The following LRP5 variants were observed in gnomAD, a reference collection of about 807,000 sequenced individuals.
The protein encoded by LRP5 is low-density lipoprotein receptor-related protein 5.
A neutral mutation model predicts 154.1 loss-of-function variants in LRP5; 62 were observed. The ratio of observed to expected loss-of-function variants is 0.40; its 90% CI spans 0.33 to 0.50. LRP5 has a LOEUF of 0.50. LRP5 is among the 20% of genes least tolerant of loss of function. The pLI is 0.55. For missense variants in LRP5, 1,915 were observed against 2,336.7 expected, an observed-to-expected ratio of 0.82 and a Z score of 3.72; for synonymous variants, 966 against 1,011.5, an observed-to-expected ratio of 0.96 and a Z score of 0.85.
In LRP5 at chr11:68,364,652, CT is replaced by C. The variant is rs540365082; in HGVS notation, c.883+710del. ...AGCTTCTGTGACAGTGGGGCTGCGG[CT>C]CTGGGGACAGTGGCCCACTCCCACA... On this transcript the variant is annotated intron_variant, in intron 4 of 22. Transcript: ENST00000294304. 5.1e-3 allele frequency among the ~76,000 whole-genome samples: 780 copies of C among 152,302 alleles called. 9 individuals are homozygous for C. The highest frequency in any genetic ancestry group is 0.018 in the African/African-American group (739 of 41,566).
chr11:68,335,073 G>GA (rs2098604915), intron 1 of LRP5, among the ~76,000 whole-genome samples: 1 of 136,196 alleles, frequency 7.3e-6, no homozygotes, highest in African/African-American at 2.6e-5. Context: ...ACCTGACCTG[G>GA]CTTTTTTTTT....
intron 5 of LRP5, among the ~76,000 whole-genome samples, chr11:68,380,351 G>A (rs1032666188): frequency 6.6e-6 from 1 of 152,236 alleles, no homozygotes; most frequent in African/African-American, 2.4e-5. Flanking sequence ...TCCCAGCTGT[G>A]TTGACTGAGG....
In LRP5 at chr11:68,320,838, G is replaced by T. The variant is rs2098596340; in HGVS notation, c.91+8033G>T. The stretch of plus-strand genomic sequence containing the variant: ...TAATTCTTTGTTCTGTTTGTTTCAG[G>T]TTTCACTGCTGGTCTGTAGCTAGTC... On this transcript the variant is annotated intron_variant, in intron 1 of 22. Coordinates refer to ENST00000294304, the MANE Select transcript of LRP5 (RefSeq NM_002335.4). Among the ~76,000 whole-genome samples, 3 of 152,142 alleles carry T rather than the reference G, an allele frequency of 2.0e-5. No homozygotes were observed. The South Asian group carries it at 6.2e-4, about 32-fold the overall frequency.
intron 3 of LRP5, among the ~76,000 whole-genome samples, chr11:68,359,524 A>G (rs1213095259): frequency 6.6e-6 from 1 of 152,120 alleles, no homozygotes; most frequent in Non-Finnish European, 1.5e-5. Flanking sequence ...GTGACAGGGG[A>G]CAGTGAGGGT....
intron 5 of LRP5, among the ~76,000 whole-genome samples, chr11:68,382,259 G>T (rs2098640637): frequency 6.6e-6 from 1 of 152,228 alleles, no homozygotes; most frequent in Admixed American, 6.5e-5. Context: ...CTCATGGTGG[G>T]ACTAGAGGCC....
At chr11:68,335,425 A>G (rs746461704) in intron 1 of LRP5, among the ~76,000 whole-genome samples, 3 of 150,984 alleles carry the variant, frequency 2.0e-5, no homozygotes, top group Non-Finnish European at 3.0e-5. Context: ...GGCTGAGTGC[A>G]GTAGCTCACG....
In LRP5 at chr11:68,423,832, A is replaced by C; in HGVS notation, c.3236+135A>C. ...CCAATGGGTGGCTTTCCAGGGTCCC[A>C]AAAGCAAACACAGGCTCTTTCACAG... On this transcript the variant is annotated intron_variant, in intron 14 of 22. Transcript: ENST00000294304. This position sits in a 1 kb window ranked among gnomAD's most constrained non-coding sequence, Gnocchi z 4.7. 1.3e-6 allele frequency: 1 copy of C among 789,506 alleles called. No homozygotes were observed. The highest frequency in any genetic ancestry group is 2.0e-6 in the Non-Finnish European group (1 of 497,422). The allele number at this position is 789,506 out of a possible 1,614,324, so 48.9% of individuals were successfully genotyped here.
chr11:68,406,191 T>TA (rs1427791846), intron 8 of LRP5, among the ~76,000 whole-genome samples: 2 of 152,232 alleles, frequency 1.3e-5, no homozygotes, highest in African/African-American at 4.8e-5. Context: ...CTGTTACTGA[T>TA]ACCCTTGGCT....
At chr11:68,387,169 C>CA in intron 6 of LRP5, among the ~76,000 whole-genome samples, 1 of 150,470 alleles carries the variant, frequency 6.6e-6, no homozygotes, top group African/African-American at 2.5e-5. Context: ...GGCTGGAGTG[C>CA]AGTGGTGTGA....
At chr11:68,326,825 T>C (rs499511) in intron 1 of LRP5, among the ~76,000 whole-genome samples, 147,966 of 152,356 alleles carry the variant, frequency 0.97, 72,005 homozygotes, top group East Asian at 1. Context: ...CCTTGCGGCA[T>C]ATGGGAAGCC....
intron 7 of LRP5, among the ~76,000 whole-genome samples, chr11:68,396,870 G>A (rs577442927): frequency 8.5e-5 from 13 of 152,272 alleles, no homozygotes; most frequent in African/African-American, 2.4e-4. Flanking sequence ...GCTTGGAGCC[G>A]CATCCGAGTC....
At chr11:68,378,302 G>C (rs1184682090) in intron 5 of LRP5, among the ~76,000 whole-genome samples, 1 of 152,194 alleles carries the variant, frequency 6.6e-6, no homozygotes, top group Non-Finnish European at 1.5e-5. Flanking sequence ...TCAGGCCGCT[G>C]GGCGACGGTG....
chr11:68,309,660 T>A (rs2098586577), upstream of LRP5, among the ~76,000 whole-genome samples: 2 of 152,052 alleles, frequency 1.3e-5, no homozygotes. Context: ...GAGTCTTTAG[T>A]TTTTCTGTAT....
intron 7 of LRP5, among the ~76,000 whole-genome samples, chr11:68,391,562 C>T (rs113647990): frequency 6.6e-6 from 1 of 152,134 alleles, no homozygotes; most frequent in Non-Finnish European, 1.5e-5. Flanking sequence ...GGATTTCAGA[C>T]CCTGCTTCTG....
chr11:68,307,026 T>C, the LRP5 span, among the ~76,000 whole-genome samples: 1 of 152,204 alleles, frequency 6.6e-6, no homozygotes, highest in Non-Finnish European at 1.5e-5. Context: ...CTACTAAAAA[T>C]ACAAAATTAG....
At chr11:68,374,026 G>T (rs1306586245) in intron 5 of LRP5, among the ~76,000 whole-genome samples, 1 of 152,242 alleles carries the variant, frequency 6.6e-6, no homozygotes, top group Non-Finnish European at 1.5e-5. Flanking sequence ...TGAGGCTGGG[G>T]TGCGGCTTGG....
intron 5 of LRP5, among the ~76,000 whole-genome samples, chr11:68,378,081 G>T (rs1483467387): frequency 2.6e-5 from 4 of 152,360 alleles, no homozygotes; most frequent in Admixed American, 2.6e-4. Context: ...GGGATGGCCG[G>T]GGCCCTGCGG....
At chr11:68,326,546 C>G (rs2098599801) in intron 1 of LRP5, among the ~76,000 whole-genome samples, 1 of 152,254 alleles carries the variant, frequency 6.6e-6, no homozygotes, top group Admixed American at 6.5e-5. Context: ...CTTTGCCCCG[C>G]TCTGACGACC....
chr11:68,320,487 G>A (rs1314899063), intron 1 of LRP5, among the ~76,000 whole-genome samples: 5 of 137,708 alleles, frequency 3.6e-5, no homozygotes, highest in Admixed American at 1.6e-4. Context: ...ACAGAGTCTC[G>A]CTGTGTCCTC....
Sources: allele counts gnomAD v4.1 joint callset (sites outside exome capture counted in the v4.1 genomes callset), GRCh38; gene constraint gnomAD v4.1.1; non-coding constraint Gnocchi (gnomAD v3.1); transcripts MANE v1.5; gene names NCBI Gene and HGNC (gene_info 2026-07-23, HGNC 2026-07-21).